Variants in MYOCD observed in about 807,000 individuals in gnomAD.
MYOCD encodes myocardin.
A neutral mutation model predicts 96.1 loss-of-function variants in MYOCD; 32 were observed. That is an observed-to-expected ratio of 0.33 (90% CI 0.25 to 0.45). MYOCD has a LOEUF of 0.45. MYOCD is among the 20% of genes least tolerant of loss of function. The pLI is 1.00. For missense variants in MYOCD, 1,133 were observed against 1,200.6 expected, an observed-to-expected ratio of 0.94 and a Z score of 0.83; for synonymous variants, 469 against 469.0, an observed-to-expected ratio of 1.00 and a Z score of 0.00.
At chr17:12,753,751 C>T (rs774085945) in intron 10 of MYOCD, among the ~76,000 whole-genome samples, 3 of 152,092 alleles carry the variant, frequency 2.0e-5, no homozygotes, top group Admixed American at 1.3e-4. Flanking sequence ...GTTTGCTGAC[C>T]GCTGTTCTCA....
chr17:12,717,391 G>A lies in MYOCD; in HGVS notation c.223G>A (p.Ala75Thr). Residue 75 changes from alanine to threonine, a missense_variant, in exon 4 of 14, where the codon GCC becomes ACC. Coordinates refer to ENST00000425538, the MANE Select transcript of MYOCD (RefSeq NM_001146312.3). ...CAAAGCCAGAAACAGGTGCAACAGT[G>A]CCGACTTGGTTAATATGCACATACT... The part of the protein sequence containing the change: ...KRKARNRCNS[A>T]DLVNMHILQA... The A allele has an allele frequency of 6.2e-7, 1 of 1,614,056 alleles. No homozygotes were observed. The highest frequency in any genetic ancestry group is 8.5e-7 in the Non-Finnish European group (1 of 1,179,972).
At chr17:12,743,009 T>C (rs980817642) in intron 7 of MYOCD, among the ~76,000 whole-genome samples, 1 of 152,226 alleles carries the variant, frequency 6.6e-6, no homozygotes, top group African/African-American at 2.4e-5. Context: ...ATATTATCTT[T>C]TATAGTCTTT....
intron 5 of MYOCD, among the ~76,000 whole-genome samples, chr17:12,727,501 T>A (rs1234718470): frequency 6.6e-6 from 1 of 152,178 alleles, no homozygotes; most frequent in African/African-American, 2.4e-5. Flanking sequence ...TCTCCCTTGG[T>A]TGTGGTTGCA....
intron 5 of MYOCD, among the ~76,000 whole-genome samples, chr17:12,732,611 C>G (rs2032210280): frequency 6.6e-6 from 1 of 152,174 alleles, no homozygotes; most frequent in African/African-American, 2.4e-5. Flanking sequence ...CTGATCACAC[C>G]TCAGCTTGTC....
intron 1 of MYOCD, among the ~76,000 whole-genome samples, chr17:12,677,488 G>A (rs1022417517): frequency 1.3e-4 from 20 of 152,068 alleles, no homozygotes; most frequent in Non-Finnish European, 2.1e-4. Flanking sequence ...CAAGATGGGC[G>A]GATCACGAGG....
chr17:12,676,508 T>C (rs1437308974), intron 1 of MYOCD, among the ~76,000 whole-genome samples: 5 of 152,148 alleles, frequency 3.3e-5, no homozygotes, highest in Admixed American at 6.5e-5. Flanking sequence ...ATATTCTTGA[T>C]TACAATTATC....
At chr17:12,728,253 G>C (rs552326794) in intron 5 of MYOCD, among the ~76,000 whole-genome samples, 45 of 152,128 alleles carry the variant, frequency 3.0e-4, no homozygotes, top group Non-Finnish European at 5.7e-4. Context: ...CTGGTCATCA[G>C]AGCATTTTCT....
chr17:12,720,797 C>A (rs1010203855), intron 4 of MYOCD, among the ~76,000 whole-genome samples: 1 of 151,930 alleles, frequency 6.6e-6, no homozygotes, highest in Non-Finnish European at 1.5e-5. Flanking sequence ...CCGAGGCGGG[C>A]GGATCATAAG....
intron 8 of MYOCD, among the ~76,000 whole-genome samples, chr17:12,745,598 A>T (rs547369566): frequency 2.0e-5 from 3 of 152,346 alleles, no homozygotes; most frequent in South Asian, 4.1e-4. Context: ...ACTAGCAATT[A>T]TGCTGAGCAC....
chr17:12,721,127 C>A (rs889204258), intron 4 of MYOCD, among the ~76,000 whole-genome samples: 1 of 148,000 alleles, frequency 6.8e-6, no homozygotes, highest in Non-Finnish European at 1.5e-5. Context: ...ACATTTATGA[C>A]AATGAGGACA....
chr17:12,721,214 G>A (rs2031828850), intron 4 of MYOCD, among the ~76,000 whole-genome samples: 1 of 152,084 alleles, frequency 6.6e-6, no homozygotes, highest in African/African-American at 2.4e-5. Context: ...ATAACAGGGT[G>A]TGAACTGCAC....
chr17:12,740,983 C>T (rs923383339), intron 7 of MYOCD, among the ~76,000 whole-genome samples: 1 of 152,194 alleles, frequency 6.6e-6, no homozygotes, highest in Non-Finnish European at 1.5e-5. Context: ...GGTAATCCAC[C>T]TGCCTCAGCC....
At position 12,710,035 on chromosome 17, in the gene MYOCD, A is replaced by G. The variant is rs180839126; in HGVS notation, c.121+4842A>G. 1.8e-4 allele frequency among the ~76,000 whole-genome samples: 28 copies of G among 152,300 alleles called. No homozygotes were observed. The East Asian group carries it at 4.8e-3, about 26-fold the overall frequency. On this transcript the variant is annotated intron_variant, in intron 2 of 13. Transcript: ENST00000425538. ...TCTGCTGTGAGAAAGGCTCTGGGGAACACACACAGAGAAGTCAGACTCAAC... is the reference window on the plus strand; with the variant it reads ...TCTGCTGTGAGAAAGGCTCTGGGGAGCACACACAGAGAAGTCAGACTCAAC...
At chr17:12,753,611 C>G (rs970661471) in intron 10 of MYOCD, among the ~76,000 whole-genome samples, 3 of 152,204 alleles carry the variant, frequency 2.0e-5, no homozygotes, top group African/African-American at 7.2e-5. Flanking sequence ...CTGTGTCATA[C>G]CTACCCAATT....
At chr17:12,699,084 A>T (rs960366155) in intron 1 of MYOCD, among the ~76,000 whole-genome samples, 2 of 149,594 alleles carry the variant, frequency 1.3e-5, no homozygotes, top group Non-Finnish European at 3.0e-5. Flanking sequence ...TTGTAATGGA[A>T]TTTTTCTCTC....
chr17:12,746,418 A>C (rs2032665706), intron 9 of MYOCD, among the ~76,000 whole-genome samples: 1 of 152,234 alleles, frequency 6.6e-6, no homozygotes, highest in African/African-American at 2.4e-5. Context: ...AGAAAGGGCA[A>C]GAGCCCTTTC....
intron 10 of MYOCD, among the ~76,000 whole-genome samples, chr17:12,754,456 G>A (rs1278636732): frequency 6.6e-6 from 1 of 152,200 alleles, no homozygotes; most frequent in Non-Finnish European, 1.5e-5. Flanking sequence ...AACCTTGAAA[G>A]CAGTAAAAAG....
In MYOCD at chr17:12,744,190, C is replaced by A. The variant is rs1173196015; in HGVS notation, c.725C>A (p.Ser242Tyr). The A allele has an allele frequency of 1.2e-6, 2 of 1,613,938 alleles. No homozygotes were observed. Among genetic ancestry groups the A allele is most frequent in the Non-Finnish European group, 1.7e-6 (2 of 1,179,990 alleles). The change falls in exon 8 of 14, where the codon TCC becomes TAC. Residue 242 changes from serine to tyrosine, a missense_variant. Transcript: ENST00000425538. ...IAVHAAVKSK[S>Y]LGDSKNRHKK... Reference sequence around the variant, plus strand: ...TCCTCATCTTCTTTGCAGTCCAAATCCTTGGGTGACAGTAAGAACCGCCAC... The same window carrying A: ...TCCTCATCTTCTTTGCAGTCCAAATACTTGGGTGACAGTAAGAACCGCCAC...
At chr17:12,734,974 C>T (rs1225478181) in intron 5 of MYOCD, among the ~76,000 whole-genome samples, 1 of 152,184 alleles carries the variant, frequency 6.6e-6, no homozygotes, top group African/African-American at 2.4e-5. Context: ...ACTGGAGTTT[C>T]CCCCTGCCCT....
Sources: gnomAD v4.1 joint callset for allele counts (sites outside exome capture counted in the v4.1 genomes callset) on GRCh38, gnomAD v4.1.1 for gene constraint, MANE v1.5 for transcripts, NCBI Gene and HGNC (gene_info 2026-07-23, HGNC 2026-07-21) for gene names.